The following DNAH7 variants were observed in gnomAD, a reference collection of about 807,000 sequenced individuals.
The protein encoded by DNAH7 is axonemal beta dynein heavy chain 7.
A neutral mutation model predicts 444.6 loss-of-function variants in DNAH7; 397 were observed. The ratio of observed to expected loss-of-function variants is 0.89; its 90% CI spans 0.82 to 0.97. The LOEUF (loss-of-function observed/expected upper bound fraction) is 0.97. Among genes scored for constraint, DNAH7 ranks in the 50% least tolerant of loss-of-function variants. DNAH7 has a pLI of 0.00. For missense variants in DNAH7, 4,902 were observed against 4,800.8 expected (o/e 1.02, Z -0.62); for synonymous variants, 1,636 against 1,624.4 (o/e 1.01, Z -0.17).
chr2:196,044,226 T>TGTATAC (rs1350296075), intron 5 of DNAH7, among the ~76,000 whole-genome samples: 1 of 150,388 alleles, frequency 6.6e-6, no homozygotes, highest in East Asian at 1.9e-4. Context: ...TGTGTGTGTG[T>TGTATAC]ATACATACAC....
At chr2:195,778,088 C>T (rs932008700) in intron 58 of DNAH7, 103 bp from the exon 59 acceptor site, 22 of 1,108,252 alleles carry the variant, frequency 2.0e-5, no homozygotes, top group African/African-American at 1.4e-4. Context: ...ACAAAAAGTT[C>T]GCATTAACAC....
At chr2:195,954,522 T>A (rs1451912008) in intron 19 of DNAH7, among the ~76,000 whole-genome samples, 1 of 152,262 alleles carries the variant, frequency 6.6e-6, no homozygotes, top group Non-Finnish European at 1.5e-5. Context: ...GCATGATTTA[T>A]AATCCTTTGG....
chr2:195,853,593 T>C, intron 45 of DNAH7, 65 bp from the exon 46 acceptor site: 1 of 1,451,400 alleles, frequency 6.9e-7, no homozygotes. Context: ...TTCTGCAAGA[T>C]TTTACCCTCA....
intron 58 of DNAH7, among the ~76,000 whole-genome samples, chr2:195,785,616 AAATCATGAATGAGTTGGATTTTTTC>A (rs1695581664): frequency 8.5e-6 from 1 of 118,316 alleles, no homozygotes; most frequent in South Asian, 2.6e-4. Context: ...TTGTTGTTTT[AAATCATGAATGAGTTGGATTTTTTC>A]AGATGTTTTT....
intron 46 of DNAH7, among the ~76,000 whole-genome samples, chr2:195,851,993 T>C (rs1276572490): frequency 6.6e-6 from 1 of 152,108 alleles, no homozygotes; most frequent in East Asian, 1.9e-4. Context: ...GCACGGTGGC[T>C]CACGCCTGTA....
At chr2:195,971,283 A>G (rs1340448606) in intron 16 of DNAH7, among the ~76,000 whole-genome samples, 2 of 152,230 alleles carry the variant, frequency 1.3e-5, no homozygotes, top group Non-Finnish European at 2.9e-5. Context: ...GTAAAATGAG[A>G]CTGTAAATAT....
At position 196,048,548 on chromosome 2, in the gene DNAH7, T is replaced by C. The variant is rs537373860; in HGVS notation, c.142-144A>G. 23 of 674,954 alleles carry C rather than the reference T, an allele frequency of 3.4e-5. No homozygotes were observed. The East Asian group carries it at 5.7e-4, about 17-fold the overall frequency. The allele number at this position is 674,954 out of a possible 1,614,324, so 41.8% of individuals were successfully genotyped here. A position where few individuals can be genotyped will look rare whatever the true frequency, so the allele number is the denominator to read the frequency against. On this transcript the variant is annotated intron_variant, in intron 3 of 64. Coordinates refer to ENST00000312428, the MANE Select transcript of DNAH7 (RefSeq NM_018897.3). Reference sequence around the variant, plus strand: ...AGAAAATACTCAACAGTAGATCTTATTCAAGCCTGTGAATGGTCATGGTGT... The same window carrying C: ...AGAAAATACTCAACAGTAGATCTTACTCAAGCCTGTGAATGGTCATGGTGT...
intron 48 of DNAH7, among the ~76,000 whole-genome samples, chr2:195,825,269 A>G (rs1697680333): frequency 1.0e-5 from 1 of 98,566 alleles, no homozygotes. Context: ...AACATAAATA[A>G]GGAAAAAAAA....
chr2:195,953,018 G>T (rs1001916852), intron 19 of DNAH7, among the ~76,000 whole-genome samples: 10 of 152,096 alleles, frequency 6.6e-5, no homozygotes, highest in Non-Finnish European at 1.5e-4. Flanking sequence ...AGGCATTCTG[G>T]TTTTTGTAAT....
intron 19 of DNAH7, among the ~76,000 whole-genome samples, chr2:195,949,398 C>T (rs2125471206): frequency 6.6e-6 from 1 of 152,240 alleles, no homozygotes; most frequent in South Asian, 2.1e-4. Context: ...ATTCTCCTGT[C>T]TTCGCTTCCT....
chr2:195,848,545 T>C (rs554028289), intron 46 of DNAH7, among the ~76,000 whole-genome samples: 21 of 152,362 alleles, frequency 1.4e-4, no homozygotes, highest in Middle Eastern at 3.4e-3. Context: ...ATTCTTCAGA[T>C]GGTGGGATGC....
chr2:195,894,376 A>G (rs1195258126), intron 30 of DNAH7: 1 of 152,228 alleles, frequency 6.6e-6, no homozygotes, highest in Admixed American at 6.5e-5. Context: ...AAGTAAAGAT[A>G]TAATCATCAC....
chr2:195,915,619 A>G (rs903234121), intron 24 of DNAH7, among the ~76,000 whole-genome samples: 1 of 152,204 alleles, frequency 6.6e-6, no homozygotes, highest in Non-Finnish European at 1.5e-5. Flanking sequence ...ACTTATATCA[A>G]AACTTCTAAT....
rs542455089 is a variant in DNAH7 at position 196,018,134 on chromosome 2, G to C, written c.869+1036C>G. On this transcript the variant is annotated intron_variant, in intron 9 of 64. Transcript: ENST00000312428. Reference sequence around the variant, plus strand: ...GAAGAACCAACAAAACACTGACAAAGATATAAGTAGAGAATTCATAATCAA... The same window carrying C: ...GAAGAACCAACAAAACACTGACAAACATATAAGTAGAGAATTCATAATCAA... Among the ~76,000 whole-genome samples, 3 of 152,184 alleles carry C rather than the reference G, an allele frequency of 2.0e-5. No homozygotes were observed. The East Asian group carries it at 5.8e-4, about 29-fold the overall frequency.
chr2:195,775,709 A>G (rs1381304605), intron 60 of DNAH7, 137 bp downstream of exon 60: 3 of 862,618 alleles, frequency 3.5e-6, no homozygotes, highest in South Asian at 2.8e-5. Flanking sequence ...TAAGTTATGT[A>G]TGTATTTTTG....
At chr2:195,939,091 G>A (rs1453675022) in intron 19 of DNAH7, among the ~76,000 whole-genome samples, 1 of 152,026 alleles carries the variant, frequency 6.6e-6, no homozygotes, top group African/African-American at 2.4e-5. Flanking sequence ...TCGGTATGAG[G>A]ACTAAATTAG....
intron 63 of DNAH7, among the ~76,000 whole-genome samples, chr2:195,750,879 A>C (rs1196197199): frequency 6.6e-6 from 1 of 152,158 alleles, no homozygotes; most frequent in Non-Finnish European, 1.5e-5. Context: ...CCAAATACTT[A>C]ATTTGAGCCA....
chr2:195,926,184 C>A (rs1350009836), intron 22 of DNAH7, among the ~76,000 whole-genome samples: 1 of 151,996 alleles, frequency 6.6e-6, no homozygotes, highest in Non-Finnish European at 1.5e-5. Flanking sequence ...GTTCAAGTAT[C>A]ATTGACTTTT....
rs1559213390 is a variant in DNAH7 at position 195,910,140 on chromosome 2, C to T, written c.3991G>A (p.Gly1331Ser). The change falls in exon 25 of 65, where the codon GGC (glycine) becomes AGC (serine). Residue 1331 changes from glycine to serine, a missense_variant. By Grantham distance (56) the Gly-to-Ser change is moderately conservative (BLOSUM62 0). Coordinates refer to ENST00000312428, the MANE Select transcript of DNAH7 (RefSeq NM_018897.3). ...HLGGAPEGPA[G>S]TGKTETTKDL... ...TTGGTAGTTTCAGTCTTCCCAGTGC[C>T]AGCTGGACCCTCAGGTGCTCCTCCA... 6.2e-7 allele frequency: 1 copy of T among 1,613,614 alleles called. No individual in the cohort carries two copies. Among genetic ancestry groups the T allele is most frequent in the Non-Finnish European group, 8.5e-7 (1 of 1,179,734 alleles).
Sources: gnomAD v4.1 joint callset for allele counts (sites outside exome capture counted in the v4.1 genomes callset) on GRCh38, gnomAD v4.1.1 for gene constraint, MANE v1.5 for transcripts, NCBI Gene and HGNC (gene_info 2026-07-23, HGNC 2026-07-21) for gene names.